KDM7A: variants seen among roughly 807,000 people sequenced by gnomAD.
KDM7A encodes lysine-specific demethylase 7A.
KDM7A carries 28 observed loss-of-function variants against 114.8 expected under a neutral mutation model. That is an observed-to-expected ratio of 0.24 (90% CI 0.18 to 0.33). KDM7A has a LOEUF of 0.33. Among genes scored for constraint, KDM7A ranks in the 10% least tolerant of loss-of-function variants. The pLI is 1.00. For missense variants in KDM7A, 942 were observed against 1,142.5 expected (o/e 0.82, Z 2.53); for synonymous variants, 423 against 397.8 (o/e 1.06, Z -0.75).
chr7:140,158,694 C>A (rs1248252720), intron 1 of KDM7A, among the ~76,000 whole-genome samples: 3 of 152,088 alleles, frequency 2.0e-5, no homozygotes, highest in Admixed American at 2.0e-4. Context: ...GGGTACCCAG[C>A]CATAAAAGAT....
At chr7:140,145,443 T>C (rs1162977302) in intron 1 of KDM7A, among the ~76,000 whole-genome samples, 1 of 152,168 alleles carries the variant, frequency 6.6e-6, no homozygotes, top group African/African-American at 2.4e-5. Context: ...AAGAGTAGAA[T>C]GTTCAGAATC....
At chr7:140,129,321 C>G (rs1290458716) in intron 4 of KDM7A, among the ~76,000 whole-genome samples, 172 bp downstream of exon 4, 1 of 152,164 alleles carries the variant, frequency 6.6e-6, no homozygotes, top group Non-Finnish European at 1.5e-5. Flanking sequence ...GTTTTTCTGA[C>G]AGTTGTAGGT....
At chr7:140,132,879 T>C (rs1379803022) in intron 3 of KDM7A, among the ~76,000 whole-genome samples, 1 of 152,182 alleles carries the variant, frequency 6.6e-6, no homozygotes, top group Non-Finnish European at 1.5e-5. Flanking sequence ...AAATTTAAAT[T>C]GTGCTTCCCC....
Position 140,118,973 on chromosome 7 carries a change from G to GA in KDM7A, c.1246+139dup, listed in dbSNP as rs1818575711. On this transcript the variant is annotated intron_variant, in intron 9 of 19. Coordinates refer to ENST00000397560, the MANE Select transcript of KDM7A (RefSeq NM_030647.2). ...TTGCTAAAAAGGTTGCTGGATGGGG[G>GA]AAAACCACTTATTTAAAAAACAAAA... 5.6e-6 allele frequency: 3 copies of GA among 531,488 alleles called. No homozygotes were observed. The Admixed American group carries it at 8.6e-5, about 15-fold the overall frequency. 32.9% of individuals were successfully genotyped at this position (531,488 alleles called of 1,614,324 possible).
In KDM7A at chr7:140,090,960, G is replaced by A. The variant is rs1818007966; in HGVS notation, c.*134C>T. The A allele has an allele frequency of 4.5e-6, 3 of 661,004 alleles. No individual in the cohort carries two copies. Among genetic ancestry groups the A allele is most frequent in the Admixed American group, 2.6e-5 (1 of 39,214 alleles). The allele number at this position is 661,004 out of a possible 1,614,324, so 40.9% of individuals were successfully genotyped here. A position where few individuals can be genotyped will look rare whatever the true frequency, so the allele number is the denominator to read the frequency against. On this transcript the variant is annotated 3_prime_UTR_variant, in exon 20 of 20. Coordinates refer to ENST00000397560, the MANE Select transcript of KDM7A (RefSeq NM_030647.2). ...GTGGCACAGTGAAAATGCAGCATCAGGTTCATTCTGTTCTTCGGGCAGTGT... is the reference window on the plus strand; with the variant it reads ...GTGGCACAGTGAAAATGCAGCATCAAGTTCATTCTGTTCTTCGGGCAGTGT...
rs752153052 is a variant in KDM7A at position 140,096,889 on chromosome 7, G to A, written c.2165+10C>T. The A allele has an allele frequency of 1.9e-6, 3 of 1,612,638 alleles. No homozygotes were observed. In the African/African-American group the frequency reaches 4.0e-5, roughly 22 times the overall value. The stretch of plus-strand genomic sequence containing the variant: ...AATATAATAAGACTTACTACTATCA[G>A]CAAGCCTACCTTTTAATTGGAATTT... On this transcript the variant is annotated intron_variant, in intron 16 of 19. Coordinates refer to ENST00000397560, the MANE Select transcript of KDM7A (RefSeq NM_030647.2).
chr7:140,115,364 G>A (rs181560646), intron 9 of KDM7A, among the ~76,000 whole-genome samples: 23 of 152,394 alleles, frequency 1.5e-4, no homozygotes, highest in African/African-American at 5.5e-4. Flanking sequence ...AGGGGAAAAT[G>A]TGGGGAAAAG....
intron 1 of KDM7A, among the ~76,000 whole-genome samples, chr7:140,141,432 AAC>A (rs1010668058): frequency 2.0e-5 from 3 of 152,124 alleles, no homozygotes; most frequent in African/African-American, 7.2e-5. Flanking sequence ...GGCAATATGA[AAC>A]AGATGCCAGT....
At chr7:140,095,789 A>G in intron 17 of KDM7A, 1 of 160,782 alleles carries the variant, frequency 6.2e-6, no homozygotes, top group Non-Finnish European at 1.4e-5. Context: ...TGAGACAGGA[A>G]GATTGCTTGA....
At chr7:140,146,222 A>G (rs1794338797) in intron 1 of KDM7A, among the ~76,000 whole-genome samples, 1 of 152,238 alleles carries the variant, frequency 6.6e-6, no homozygotes. Context: ...TTAACCATAC[A>G]AAATACAATT....
At chr7:140,099,816 A>G in intron 13 of KDM7A, 83 bp downstream of exon 13, 1 of 1,320,020 alleles carries the variant, frequency 7.6e-7, no homozygotes, top group South Asian at 1.2e-5. Context: ...TGGTGCCAGA[A>G]AGGTTGAGGA....
chr7:140,092,434 CT>C (rs745907967), intron 18 of KDM7A, among the ~76,000 whole-genome samples: 9 of 152,310 alleles, frequency 5.9e-5, no homozygotes, highest in Non-Finnish European at 1.2e-4. Context: ...TCACAGCTCC[CT>C]TGGACCTCTC....
chr7:140,104,894 T>C (rs1003782945), intron 11 of KDM7A, among the ~76,000 whole-genome samples: 18 of 152,238 alleles, frequency 1.2e-4, no homozygotes, highest in African/African-American at 4.3e-4. Context: ...AGTATGGCCA[T>C]TTTCATATTG....
intron 8 of KDM7A, 131 bp downstream of exon 8, chr7:140,120,311 C>G: frequency 1.8e-6 from 1 of 543,046 alleles, no homozygotes; most frequent in Non-Finnish European, 3.3e-6. Flanking sequence ...GCTTCTATCC[C>G]TAATAATATC....
intron 6 of KDM7A, among the ~76,000 whole-genome samples, chr7:140,125,607 C>G (rs781003669): frequency 7.9e-5 from 12 of 152,210 alleles, no homozygotes; most frequent in Non-Finnish European, 1.5e-4. Context: ...CGCTCTGTTG[C>G]CCAGGCTGGA....
chr7:140,121,354 C>A (rs1301903900), intron 7 of KDM7A, among the ~76,000 whole-genome samples: 5 of 152,144 alleles, frequency 3.3e-5, no homozygotes, highest in Non-Finnish European at 1.5e-5. Context: ...TTTTAAAATA[C>A]ACAAATCCCG....
At chr7:140,134,181 G>A (rs530536806) in intron 2 of KDM7A, among the ~76,000 whole-genome samples, 3 of 152,242 alleles carry the variant, frequency 2.0e-5, no homozygotes, top group African/African-American at 4.8e-5. Context: ...AAAGAAAGAC[G>A]GGTAGCATGA....
intron 6 of KDM7A, 55 bp from the exon 7 acceptor site, chr7:140,124,838 C>T (rs1039716512): frequency 2.8e-6 from 3 of 1,055,146 alleles, no homozygotes; most frequent in Admixed American, 2.6e-5. Flanking sequence ...CTTAGGATAG[C>T]CTACATTGAT....
chr7:140,090,742 A>T lies in KDM7A; in HGVS notation c.*352T>A. ...AAAGAATTTAAAAGCTGTTAACTTT[A>T]AAAAAAAATCTGTTAAATAAATTAT... On this transcript the variant is annotated 3_prime_UTR_variant, in exon 20 of 20. Coordinates refer to ENST00000397560, the MANE Select transcript of KDM7A (RefSeq NM_030647.2). The T allele has an allele frequency of 5.0e-6, 1 of 198,678 alleles. No homozygotes were observed. Among genetic ancestry groups the T allele is most frequent in the Non-Finnish European group, 1.0e-5 (1 of 99,256 alleles). The allele number at this position is 198,678 out of a possible 1,614,324, so 12.3% of individuals were successfully genotyped here. A position where few individuals can be genotyped will look rare whatever the true frequency, so the allele number is the denominator to read the frequency against.
Sources: gnomAD v4.1 joint callset for allele counts (sites outside exome capture counted in the v4.1 genomes callset) on GRCh38, gnomAD v4.1.1 for gene constraint, MANE v1.5 for transcripts, NCBI Gene and HGNC (gene_info 2026-07-23, HGNC 2026-07-21) for gene names.